The following CAST variants were observed in gnomAD, a reference collection of about 807,000 sequenced individuals.
The protein encoded by CAST is MIR583 host.
CAST carries 76 observed loss-of-function variants against 119.6 expected under a neutral mutation model. That is an observed-to-expected ratio of 0.64 (90% CI 0.53 to 0.77). The LOEUF (loss-of-function observed/expected upper bound fraction) is 0.77. Among genes scored for constraint, CAST ranks in the 30% least tolerant of loss-of-function variants. The probability of loss-of-function intolerance (pLI) is 0.00; values close to 1 mark genes in which losing one functional copy is unlikely to be tolerated. For missense variants in CAST, 953 were observed against 946.5 expected (o/e 1.01, Z -0.09); for synonymous variants, 319 against 331.6 (o/e 0.96, Z 0.41).
At chr5:96,670,333 CT>C (rs1219069993) in intron 1 of CAST, among the ~76,000 whole-genome samples, 4 of 151,760 alleles carry the variant, frequency 2.6e-5, no homozygotes, top group Admixed American at 6.6e-5. Context: ...GAATGTTTTC[CT>C]TTCCTCCTAA....
At chr5:96,701,047 C>T (rs1259785592) in intron 3 of CAST, among the ~76,000 whole-genome samples, 4 of 152,092 alleles carry the variant, frequency 2.6e-5, no homozygotes, top group African/African-American at 9.7e-5. Context: ...CTGCCTGAAG[C>T]CTCCCGAGTA....
At chr5:95,961,877 A>G in the CAST span, 1 of 915,036 alleles carries the variant, frequency 1.1e-6, no homozygotes, top group Non-Finnish European at 1.5e-6. Context: ...TCGGACTGCC[A>G]CCGCCGCCAC....
At chr5:96,111,863 T>C in the CAST span, among the ~76,000 whole-genome samples, 3 of 152,196 alleles carry the variant, frequency 2.0e-5, no homozygotes, top group East Asian at 3.9e-4. Context: ...CCCAGGTTGG[T>C]CTCAAACTCC....
At chr5:96,363,049 A>T in the CAST span, among the ~76,000 whole-genome samples, 4 of 149,628 alleles carry the variant, frequency 2.7e-5, no homozygotes, top group African/African-American at 9.9e-5. Context: ...AGCTTTCTAC[A>T]TATGGCTAGC....
the CAST span, among the ~76,000 whole-genome samples, chr5:96,068,516 A>G: frequency 9.2e-5 from 14 of 151,636 alleles, no homozygotes; most frequent in Non-Finnish European, 1.5e-4. Context: ...AACATCTGAT[A>G]TGGGAACCCA....
chr5:96,186,424 C>T, the CAST span, among the ~76,000 whole-genome samples: 1 of 152,054 alleles, frequency 6.6e-6, no homozygotes, highest in African/African-American at 2.4e-5. Flanking sequence ...TTGTCTTGTG[C>T]CAGTTTTCAA....
At chr5:96,364,603 G>A in the CAST span, among the ~76,000 whole-genome samples, 931 of 152,252 alleles carry the variant, frequency 6.1e-3, 16 homozygotes, top group African/African-American at 0.021. Context: ...TTTCTAGTTT[G>A]TTTGCGTAGA....
intron 1 of CAST, among the ~76,000 whole-genome samples, chr5:96,543,249 G>A (rs1019862549): frequency 7.2e-5 from 11 of 152,130 alleles, no homozygotes; most frequent in African/African-American, 2.4e-4. Flanking sequence ...GAATGAAGCT[G>A]GAAACCATCA....
chr5:96,250,551 GCTTA>G, the CAST span, among the ~76,000 whole-genome samples: 2 of 152,090 alleles, frequency 1.3e-5, no homozygotes, highest in African/African-American at 4.8e-5. Flanking sequence ...GACAACTCCT[GCTTA>G]CTTCTTGTTG....
chr5:96,031,417 T>A, the CAST span, among the ~76,000 whole-genome samples: 2 of 152,138 alleles, frequency 1.3e-5, no homozygotes, highest in Non-Finnish European at 1.5e-5. Flanking sequence ...TGTCATCTAA[T>A]GCTTTATGTC....
At chr5:96,621,052 A>G (rs541482160) in intron 1 of CAST, among the ~76,000 whole-genome samples, 11 of 152,036 alleles carry the variant, frequency 7.2e-5, no homozygotes, top group East Asian at 1.9e-4. Context: ...CCCTCCTTCA[A>G]CCTCCTCACA....
intron 1 of CAST, among the ~76,000 whole-genome samples, chr5:96,620,721 T>C (rs1747587153): frequency 6.6e-6 from 1 of 152,234 alleles, no homozygotes. Context: ...TCTTCGACAG[T>C]GAACAAGAGA....
chr5:96,387,047 A>T, the CAST span, among the ~76,000 whole-genome samples: 1 of 152,234 alleles, frequency 6.6e-6, no homozygotes, highest in Non-Finnish European at 1.5e-5. Flanking sequence ...TCCTAACAGC[A>T]AATGCATAAG....
intron 1 of CAST, among the ~76,000 whole-genome samples, chr5:96,663,467 T>C (rs182256011): frequency 3.3e-5 from 5 of 152,352 alleles, no homozygotes; most frequent in Admixed American, 6.5e-5. Flanking sequence ...ACTGGAATTG[T>C]TGCTGGAGGA....
intron 3 of CAST, chr5:96,714,781 C>A (rs1756898066): frequency 6.6e-6 from 1 of 152,190 alleles, no homozygotes; most frequent in African/African-American, 2.4e-5. Context: ...GTGGCTAGCT[C>A]TTCTCCTTAC....
the CAST span, among the ~76,000 whole-genome samples, chr5:96,146,098 G>T: frequency 6.6e-6 from 1 of 152,190 alleles, no homozygotes; most frequent in African/African-American, 2.4e-5. Flanking sequence ...TAAGGGGGTG[G>T]AGAAACAGAT....
At chr5:96,143,925 A>G in the CAST span, among the ~76,000 whole-genome samples, 1 of 152,196 alleles carries the variant, frequency 6.6e-6, no homozygotes, top group African/African-American at 2.4e-5. Context: ...TTTATTTCAG[A>G]AAGTATTGCT....
chr5:96,061,714 A>C, the CAST span, among the ~76,000 whole-genome samples: 2 of 151,952 alleles, frequency 1.3e-5, no homozygotes, highest in African/African-American at 4.8e-5. Flanking sequence ...AATACTTATG[A>C]AGTCATGGAC....
chr5:96,054,683 G>A, the CAST span, among the ~76,000 whole-genome samples: 9 of 152,252 alleles, frequency 5.9e-5, no homozygotes, highest in South Asian at 8.3e-4. Context: ...CAATATTGCC[G>A]TATGTGAAAA....
Sources: gnomAD v4.1 joint callset for allele counts (sites outside exome capture counted in the v4.1 genomes callset) on GRCh38, gnomAD v4.1.1 for gene constraint, MANE v1.5 for transcripts, NCBI Gene and HGNC (gene_info 2026-07-23, HGNC 2026-07-21) for gene names.